Variants in BABAM2 observed in about 807,000 individuals in gnomAD.
BABAM2 encodes the protein BRISC and BRCA1 A complex member 2.
In BABAM2, 31 loss-of-function variants were observed where a neutral mutation model predicts 54.7. The observed-to-expected ratio is 0.57, with a 90% CI of 0.43 to 0.77. The LOEUF is 0.77. Among genes scored for constraint, BABAM2 ranks in the 30% least tolerant of loss-of-function variants. The pLI is 0.00. For missense variants in BABAM2, 364 were observed against 455.8 expected, an observed-to-expected ratio of 0.80 and a Z score of 1.83; for synonymous variants, 167 against 162.9, an observed-to-expected ratio of 1.03 and a Z score of -0.19.
intron 6 of BABAM2, among the ~76,000 whole-genome samples, chr2:28,100,080 TTC>T: frequency 6.6e-6 from 1 of 152,302 alleles, no homozygotes; most frequent in South Asian, 2.1e-4. Context: ...ATTGATTATT[TTC>T]TCTTTTTCTA....
In BABAM2 at chr2:27,894,002, AG is replaced by A. The variant is rs201590006; in HGVS notation, c.-24-530del. On this transcript the variant is annotated intron_variant, in intron 1 of 11. Coordinates refer to ENST00000379624, the MANE Select transcript of BABAM2 (RefSeq NM_199191.3). ...AGTGAGACTCTGTCGCAAAAAAAAA[AG>A]AAAAAAAAAGAAAGATATATCAGCA... 2.0e-3 allele frequency among the ~76,000 whole-genome samples: 293 copies of A among 145,820 alleles called. 54 individuals are homozygous for A. The highest frequency in any genetic ancestry group is 3.6e-3 in the Middle Eastern group (1 of 280).
At chr2:27,994,631 G>C (rs1346428851) in intron 4 of BABAM2, among the ~76,000 whole-genome samples, 1 of 152,142 alleles carries the variant, frequency 6.6e-6, no homozygotes, top group Non-Finnish European at 1.5e-5. Context: ...AGTTACTTTG[G>C]TTGTTGTTCA....
intron 3 of BABAM2, among the ~76,000 whole-genome samples, chr2:27,964,300 A>G (rs1670686907): frequency 6.6e-6 from 1 of 152,196 alleles, no homozygotes; most frequent in South Asian, 2.1e-4. Flanking sequence ...AGCCTGTGGA[A>G]CTGTGCACTA....
At chr2:28,276,271 G>C (rs1434360915) in intron 10 of BABAM2, among the ~76,000 whole-genome samples, 6 of 151,720 alleles carry the variant, frequency 4.0e-5, no homozygotes, top group Non-Finnish European at 8.8e-5. Context: ...ACTAAGCAAG[G>C]GGTCGGTTGG....
intron 1 of BABAM2, chr2:27,892,259 T>C (rs1664920683): frequency 6.6e-6 from 1 of 152,210 alleles, no homozygotes; most frequent in East Asian, 1.9e-4. Context: ...GGAACAATTA[T>C]TGTTCTCAGG....
chr2:28,325,194 G>A lies in BABAM2; in HGVS notation c.1089-13256G>A, dbSNP rs945957119. Among the ~76,000 whole-genome samples, 11 of 152,096 alleles carry A rather than the reference G, an allele frequency of 7.2e-5. No individual in the cohort carries two copies. The highest frequency in any genetic ancestry group is 3.3e-4 in the Admixed American group (5 of 15,276). ...CCATGTGTGGATATCATTCATCCAC[G>A]TTGCATATATGCCCTTCCTTTCCTT... is the stretch of plus-strand genomic sequence containing the variant. On this transcript the variant is annotated intron_variant, in intron 11 of 11. Coordinates refer to ENST00000379624, the MANE Select transcript of BABAM2 (RefSeq NM_199191.3). This position sits in a 1 kb window ranked among gnomAD's most constrained non-coding sequence, Gnocchi z 4.3.
rs1430520999 is a variant in BABAM2, at chr2:28,210,346, T to G, written c.681-26856T>G. On this transcript the variant is annotated intron_variant, in intron 7 of 11. Coordinates refer to ENST00000379624, the MANE Select transcript of BABAM2 (RefSeq NM_199191.3). The stretch of plus-strand genomic sequence containing the variant: ...CAATCTAGGGAGGGAAAACAACATA[T>G]GAAGTGCTAAATTATGCTACACTAC... Among the ~76,000 whole-genome samples, 2 of 152,186 alleles carry G rather than the reference T, an allele frequency of 1.3e-5. 1 individual carries two copies. The highest frequency in any genetic ancestry group is 4.1e-4 in the South Asian group (2 of 4,834).
At chr2:28,020,957 AC>A (rs1675202595) in intron 4 of BABAM2, among the ~76,000 whole-genome samples, 1 of 129,272 alleles carries the variant, frequency 7.7e-6, no homozygotes, top group African/African-American at 2.9e-5. Context: ...TCTCTGACAC[AC>A]ACACACACAC....
chr2:28,219,662 A>G (rs1025879579), intron 7 of BABAM2, among the ~76,000 whole-genome samples: 4 of 152,118 alleles, frequency 2.6e-5, no homozygotes, highest in African/African-American at 9.7e-5. Flanking sequence ...TAATCAGAAA[A>G]AAAAAAAACC....
chr2:28,080,718 C>T (rs1376704795), intron 6 of BABAM2, among the ~76,000 whole-genome samples: 1 of 152,168 alleles, frequency 6.6e-6, no homozygotes, highest in Non-Finnish European at 1.5e-5. Context: ...TTACAATTAC[C>T]TTGGCATTCT....
At chr2:28,331,290 G>C (rs1690938305) in intron 11 of BABAM2, among the ~76,000 whole-genome samples, 3 of 152,062 alleles carry the variant, frequency 2.0e-5, no homozygotes, top group Admixed American at 2.0e-4. Context: ...AACGTCAAAA[G>C]AATTGCAACA....
At chr2:28,315,029 AGAG>A in intron 11 of BABAM2, among the ~76,000 whole-genome samples, 1 of 126,244 alleles carries the variant, frequency 7.9e-6, no homozygotes. Context: ...AGAAGGAGAG[AGAG>A]AGAAGAAAGA....
At chr2:28,282,973 A>G (rs893558273) in intron 10 of BABAM2, among the ~76,000 whole-genome samples, 3 of 124,810 alleles carry the variant, frequency 2.4e-5, no homozygotes, top group Non-Finnish European at 3.2e-5. Context: ...ATTCCAGCCC[A>G]GGCAGCAGAG....
intron 10 of BABAM2, among the ~76,000 whole-genome samples, chr2:28,247,514 T>G (rs1276576199): frequency 6.6e-6 from 1 of 151,980 alleles, no homozygotes; most frequent in Non-Finnish European, 1.5e-5. Flanking sequence ...TCCATGAAGA[T>G]GGGGAGGGGA....
intron 6 of BABAM2, among the ~76,000 whole-genome samples, chr2:28,109,766 C>A (rs1558343994): frequency 1.3e-5 from 2 of 152,132 alleles, no homozygotes; most frequent in Non-Finnish European, 2.9e-5. Flanking sequence ...TGAGAAGTAC[C>A]TTGTTGTACT....
At chr2:28,054,797 T>C (rs1385191089) in intron 6 of BABAM2, among the ~76,000 whole-genome samples, 1 of 152,230 alleles carries the variant, frequency 6.6e-6, no homozygotes, top group Non-Finnish European at 1.5e-5. Context: ...GTTATGGGAA[T>C]TGGAACTGAC....
At chr2:28,147,173 A>G (rs1166620081) in intron 7 of BABAM2, among the ~76,000 whole-genome samples, 1 of 152,208 alleles carries the variant, frequency 6.6e-6, no homozygotes, top group Non-Finnish European at 1.5e-5. Context: ...CTCGAAGGTT[A>G]CAGTAGGTGC....
chr2:28,238,879 A>G (rs1009054294), intron 8 of BABAM2, among the ~76,000 whole-genome samples: 1 of 152,186 alleles, frequency 6.6e-6, no homozygotes, highest in Non-Finnish European at 1.5e-5. Flanking sequence ...GAAATATAAG[A>G]ATCAGTCAAT....
intron 10 of BABAM2, among the ~76,000 whole-genome samples, chr2:28,266,662 A>G (rs1426941349): frequency 6.6e-6 from 1 of 152,250 alleles, no homozygotes; most frequent in Non-Finnish European, 1.5e-5. Flanking sequence ...ACCAAGGGTA[A>G]AAGGTTGGCA....
Sources: gnomAD v4.1 joint callset for allele counts (sites outside exome capture counted in the v4.1 genomes callset) on GRCh38, gnomAD v4.1.1 for gene constraint, Gnocchi (gnomAD v3.1) non-coding constraint, MANE v1.5 for transcripts, NCBI Gene and HGNC (gene_info 2026-07-23, HGNC 2026-07-21) for gene names.